Variants in TPRG1L observed in about 807,000 individuals in gnomAD.
TPRG1L encodes the protein tumor protein p63 regulated 1 like, also known as tumor protein p63-regulated gene 1-like protein.
In TPRG1L, 25 loss-of-function variants were observed where a neutral mutation model predicts 29.4. The observed-to-expected ratio is 0.85, with a 90% CI of 0.62 to 1.19. The LOEUF (loss-of-function observed/expected upper bound fraction) is 1.19, where lower values mean the gene tolerates loss of function less well. Ranked by LOEUF, TPRG1L falls within the 50% of genes most tolerant of loss-of-function variation. The pLI, the probability that TPRG1L is intolerant of heterozygous loss-of-function variation, is 0.00. For missense variants in TPRG1L, 354 were observed against 364.4 expected (o/e 0.97, Z 0.23); for synonymous variants, 182 against 151.1 (o/e 1.20, Z -1.50).
chr1:3,629,332 T>G lies in TPRG1L; in HGVS notation c.*729T>G, dbSNP rs1457191663. 1 of 152,262 alleles carries G rather than the reference T, an allele frequency of 6.6e-6. No homozygotes were observed. Among genetic ancestry groups the G allele is most frequent in the African/African-American group, 2.4e-5 (1 of 41,468 alleles). 9.4% of individuals were successfully genotyped at this position (152,262 alleles called of 1,614,324 possible). The stretch of plus-strand genomic sequence containing the variant: ...TGAGAAAGTCACCTTGACAGTTCTT[T>G]GCACACAAGTTTTACACCTCTCTGG... On this transcript the variant is annotated 3_prime_UTR_variant, in exon 5 of 5. Coordinates refer to ENST00000378344, the MANE Select transcript of TPRG1L (RefSeq NM_182752.4).
In TPRG1L at chr1:3,625,374, G is replaced by A. The variant is rs745358453; in HGVS notation, c.202-50G>A. The A allele has an allele frequency of 2.6e-6, 4 of 1,548,108 alleles. No homozygotes were observed. In the Admixed American group the frequency reaches 7.8e-5, roughly 30 times the overall value. On this transcript the variant is annotated intron_variant, in intron 1 of 4. Coordinates refer to ENST00000378344, the MANE Select transcript of TPRG1L (RefSeq NM_182752.4). Reference sequence around the variant, plus strand: ...CGCCGGGCGGTCCCGCAGGGAGCGAGCTGTGACCTGTGATCTTTGCCCCCG... The same window carrying A: ...CGCCGGGCGGTCCCGCAGGGAGCGAACTGTGACCTGTGATCTTTGCCCCCG...
In TPRG1L at chr1:3,629,289, T is replaced by G. The variant is rs371665757; in HGVS notation, c.*686T>G. 1 of 152,356 alleles carries G rather than the reference T, an allele frequency of 6.6e-6. No homozygotes were observed. Among genetic ancestry groups the G allele is most frequent in the African/African-American group, 2.4e-5 (1 of 41,588 alleles). 9.4% of individuals were successfully genotyped at this position (152,356 alleles called of 1,614,324 possible). A position where few individuals can be genotyped will look rare whatever the true frequency, so the allele number is the denominator to read the frequency against. On this transcript the variant is annotated 3_prime_UTR_variant, in exon 5 of 5. Coordinates refer to ENST00000378344, the MANE Select transcript of TPRG1L (RefSeq NM_182752.4). ...CAGAAAGCTTTACAGAAAATCATTG[T>G]AAGACAATTTATTAATTTGAGAAAG...
Position 3,628,510 on chromosome 1 carries a change from C to T in TPRG1L, c.726C>T (p.Pro242=). Residue 242 remains proline (P), a synonymous_variant, in exon 5 of 5, where the codon CCC becomes CCT. Coordinates refer to ENST00000378344, the MANE Select transcript of TPRG1L (RefSeq NM_182752.4). The part of the protein sequence containing the change: ...QANGVLILER[P]LLIETYVGLM... ...ATGGCGTGCTGATCCTGGAGCGCCC[C>T]CTGCTCATCGAGACCTACGTGGGAC... 1 of 1,614,114 alleles carries T rather than the reference C, an allele frequency of 6.2e-7. No individual in the cohort carries two copies. The highest frequency in any genetic ancestry group is 8.5e-7 in the Non-Finnish European group (1 of 1,179,978).
Position 3,627,370 on chromosome 1 carries a change from T to C in TPRG1L, c.471-130T>C, listed in dbSNP as rs112999112. 194 of 943,378 alleles carry C rather than the reference T, an allele frequency of 2.1e-4. 2 individuals are homozygous for C. Among genetic ancestry groups the C allele is most frequent in the African/African-American group, 6.9e-4 (42 of 60,846 alleles). 58.4% of individuals were successfully genotyped at this position (943,378 alleles called of 1,614,324 possible). On this transcript the variant is annotated intron_variant, in intron 3 of 4. Transcript: ENST00000378344. ...CTACAAGCCGTTTTCCATTGTGATA[T>C]GTCATAGGTCTTTTCTGTAAACGTG...
rs942296156 is a variant in TPRG1L, at chr1:3,625,294, G to C, written c.201+21G>C. ...TCCGGGTGAGGCAGGGGCCAGGGCC[G>C]GGGCGGGGGCCGAGGGCGCGGGGCG... On this transcript the variant is annotated intron_variant, in intron 1 of 4. Coordinates refer to ENST00000378344, the MANE Select transcript of TPRG1L (RefSeq NM_182752.4). 1,221 of 1,425,392 alleles carry C rather than the reference G, an allele frequency of 8.6e-4. 2 individuals carry two copies. The highest frequency in any genetic ancestry group is 1.0e-3 in the Middle Eastern group (4 of 3,834). 88.3% of individuals were successfully genotyped at this position (1,425,392 alleles called of 1,614,324 possible). A position where few individuals can be genotyped will look rare whatever the true frequency, so the allele number is the denominator to read the frequency against.
At chr1:3,628,077 C>T (rs1644501767) in intron 4 of TPRG1L, among the ~76,000 whole-genome samples, 1 of 152,228 alleles carries the variant, frequency 6.6e-6, no homozygotes, top group African/African-American at 2.4e-5. Context: ...CCTGCACTTC[C>T]CCAGCTGTGT....
In TPRG1L at chr1:3,628,595, G is replaced by T; in HGVS notation, c.811G>T (p.Gly271Cys). 1 of 1,600,820 alleles carries T rather than the reference G, an allele frequency of 6.2e-7. No individual in the cohort carries two copies. The highest frequency in any genetic ancestry group is 8.5e-7 in the Non-Finnish European group (1 of 1,170,228). The change falls in exon 5 of 5, where the codon GGC becomes TGC. Residue 271 changes from glycine to cysteine, a missense_variant. Physicochemically the swap from Gly to Cys is radical, Grantham distance 159. Coordinates refer to ENST00000378344, the MANE Select transcript of TPRG1L (RefSeq NM_182752.4). ...CTACTCCATGACCAGGGGCAAAATA[G>T]GCTTTTAGCCGCTGCGTTCTGGGAG... ...LGYSMTRGKI[G>C]F is the part of the protein sequence containing the mutation.
rs940451449 is a variant in TPRG1L, at chr1:3,625,069, G to A, written c.-4G>A. 4.1e-6 allele frequency: 5 copies of A among 1,208,876 alleles called. No individual in the cohort carries two copies. Among genetic ancestry groups the A allele is most frequent in the Non-Finnish European group, 5.2e-6 (5 of 965,020 alleles). 74.9% of individuals were successfully genotyped at this position (1,208,876 alleles called of 1,614,324 possible). The stretch of plus-strand genomic sequence containing the variant: ...CAGGGTCGGGGTCGGTAAGGGGTGC[G>A]GCAATGCTGCAACTGCGGGACTCGG... On this transcript the variant is annotated 5_prime_UTR_variant, in exon 1 of 5. Transcript: ENST00000378344.
At position 3,625,425 on chromosome 1, in the gene TPRG1L, C is replaced by T. The variant is rs1427388556; in HGVS notation, c.203C>T (p.Pro68Leu). ...TCCCCCACCCCGCAACCCGCCCAGC[C>T]CGGCAGCATCGAGCAGGCAGTGGAG... ...ARVKEYFVFR[P>L]GSIEQAVEEI... The change falls in exon 2 of 5, where the codon CCC becomes CTC. Residue 68 changes from proline to leucine, a missense_variant and splice_region_variant. By Grantham distance (98) the Pro-to-Leu change is moderately conservative (BLOSUM62 -3). Coordinates refer to ENST00000378344, the MANE Select transcript of TPRG1L (RefSeq NM_182752.4). 1.3e-6 allele frequency: 2 copies of T among 1,594,406 alleles called. No homozygotes were observed. The highest frequency in any genetic ancestry group is 2.3e-5 in the South Asian group (2 of 87,516).
intron 1 of TPRG1L, 26 bp downstream of exon 1, chr1:3,625,299 G>C: frequency 7.0e-7 from 1 of 1,433,230 alleles, no homozygotes; most frequent in Non-Finnish European, 9.1e-7. Flanking sequence ...GGGCCGGGGC[G>C]GGGGCCGAGG....
At chr1:3,628,131 G>A (rs994502941) in intron 4 of TPRG1L, among the ~76,000 whole-genome samples, 4 of 152,224 alleles carry the variant, frequency 2.6e-5, no homozygotes, top group Non-Finnish European at 5.9e-5. Context: ...TGACGGCAAA[G>A]CCACTCAGCC....
chr1:3,626,269 A>G (rs1175590306), intron 3 of TPRG1L, among the ~76,000 whole-genome samples: 6 of 152,256 alleles, frequency 3.9e-5, no homozygotes, highest in African/African-American at 1.4e-4. Flanking sequence ...TGCTCTGGCT[A>G]ATTTTTTAAA....
intron 3 of TPRG1L, among the ~76,000 whole-genome samples, chr1:3,626,279 A>G (rs1416188290): frequency 6.6e-6 from 1 of 152,242 alleles, no homozygotes; most frequent in Non-Finnish European, 1.5e-5. Context: ...AATTTTTTAA[A>G]GAGAAATGGA....
chr1:3,627,671 TA>T lies in TPRG1L; in HGVS notation c.624+21del, dbSNP rs5772111. On this transcript the variant is annotated intron_variant, in intron 4 of 4. Coordinates refer to ENST00000378344, the MANE Select transcript of TPRG1L (RefSeq NM_182752.4). Reference sequence around the variant, plus strand: ...TGTGTCAGGTAAGAAGACAGGCACATAAATAGCCGCGCCCCCCGCAGTGATG... The same window carrying T: ...TGTGTCAGGTAAGAAGACAGGCACATAATAGCCGCGCCCCCCGCAGTGATG... 0.29 allele frequency: 467,374 copies of T among 1,612,288 alleles called. 69,486 individuals carry two copies. Among genetic ancestry groups the T allele is most frequent in the African/African-American group, 0.43 (32,339 of 74,864 alleles).
chr1:3,627,352 C>A, intron 3 of TPRG1L, 148 bp from the exon 4 acceptor site: 1 of 795,542 alleles, frequency 1.3e-6, no homozygotes, highest in Non-Finnish European at 2.0e-6. Context: ...AAACTACAAG[C>A]CGTTTTCCAT....
At chr1:3,627,703 A>AC (rs745979565) in intron 4 of TPRG1L, 50 bp downstream of exon 4, 27 of 1,603,086 alleles carry the variant, frequency 1.7e-5, no homozygotes, top group Admixed American at 3.3e-5. Context: ...TGATGGAAAC[A>AC]CCCCCCGCAG....
At chr1:3,626,182 T>TG (rs1326311802) in intron 3 of TPRG1L, among the ~76,000 whole-genome samples, 1 of 152,226 alleles carries the variant, frequency 6.6e-6, no homozygotes, top group Non-Finnish European at 1.5e-5. Flanking sequence ...AAAAGGAACT[T>TG]GGATGTTCTT....
Position 3,625,177 on chromosome 1 carries a change from G to T in TPRG1L, c.105G>T (p.Arg35=). 1 of 1,244,238 alleles carries T rather than the reference G, an allele frequency of 8.0e-7. No individual in the cohort carries two copies. The highest frequency in any genetic ancestry group is 1.0e-6 in the Non-Finnish European group (1 of 992,486). 77.1% of individuals were successfully genotyped at this position (1,244,238 alleles called of 1,614,324 possible). A position where few individuals can be genotyped will look rare whatever the true frequency, so the allele number is the denominator to read the frequency against. The change falls in exon 1 of 5, where the codon CGG becomes CGT. Residue 35 remains arginine (R), a synonymous_variant. Coordinates refer to ENST00000378344, the MANE Select transcript of TPRG1L (RefSeq NM_182752.4). ...VGAGGGPGGG[R]PGAGTPLRQT... is the part of the protein sequence containing the mutation. ...CAGGCGGCGGCCCGGGCGGGGGGCG[G>T]CCGGGGGCGGGGACGCCGCTGCGCC... is the stretch of plus-strand genomic sequence containing the variant.
chr1:3,629,774 T>C lies in TPRG1L; in HGVS notation c.*1171T>C, dbSNP rs1165070756. On this transcript the variant is annotated 3_prime_UTR_variant, in exon 5 of 5. Coordinates refer to ENST00000378344, the MANE Select transcript of TPRG1L (RefSeq NM_182752.4). ...ATGCCTGCCTTGGTTCCTACCACTC[T>C]GGTGTAGACAGAGGACTTTGTCCAA... is the stretch of plus-strand genomic sequence containing the variant. The C allele has an allele frequency of 6.6e-6, 1 of 152,282 alleles. No individual in the cohort carries two copies. Among genetic ancestry groups the C allele is most frequent in the Non-Finnish European group, 1.5e-5 (1 of 68,052 alleles). 9.4% of individuals were successfully genotyped at this position (152,282 alleles called of 1,614,324 possible). A position where few individuals can be genotyped will look rare whatever the true frequency, so the allele number is the denominator to read the frequency against.
Sources: allele counts gnomAD v4.1 joint callset (sites outside exome capture counted in the v4.1 genomes callset), GRCh38; gene constraint gnomAD v4.1.1; transcripts MANE v1.5; gene names NCBI Gene and HGNC (gene_info 2026-07-23, HGNC 2026-07-21).